Variants in BMPR1B observed in about 807,000 individuals in gnomAD.
The protein encoded by BMPR1B is bone morphogenetic protein receptor type-1B.
Under a neutral mutation model 59.1 loss-of-function variants are expected in BMPR1B, and 12 were observed. That is an observed-to-expected ratio of 0.20 (90% CI 0.13 to 0.33). The LOEUF (loss-of-function observed/expected upper bound fraction) is 0.33, where lower values mean the gene tolerates loss of function less well. BMPR1B is among the 10% of genes least tolerant of loss of function. The probability of loss-of-function intolerance (pLI) is 1.00; values close to 1 mark genes in which losing one functional copy is unlikely to be tolerated. For missense variants in BMPR1B, 550 were observed against 610.9 expected, an observed-to-expected ratio of 0.90 and a Z score of 1.05; for synonymous variants, 237 against 207.3, an observed-to-expected ratio of 1.14 and a Z score of -1.23.
At chr4:94,789,586 A>C (rs926392240) in intron 1 of BMPR1B, among the ~76,000 whole-genome samples, 1 of 152,216 alleles carries the variant, frequency 6.6e-6, no homozygotes, top group African/African-American at 2.4e-5. Flanking sequence ...CATCATTTCC[A>C]TAGTCTAAAA....
chr4:94,988,515 T>C (rs1339215628), intron 2 of BMPR1B, among the ~76,000 whole-genome samples: 3 of 152,198 alleles, frequency 2.0e-5, no homozygotes, highest in Non-Finnish European at 4.4e-5. Context: ...TGCCATTTGG[T>C]TTATGTGATG....
At chr4:94,882,069 G>T (rs1484090501) in intron 2 of BMPR1B, among the ~76,000 whole-genome samples, 2 of 152,044 alleles carry the variant, frequency 1.3e-5, no homozygotes, top group Admixed American at 6.6e-5. Flanking sequence ...GAATCTAATG[G>T]ACAGCCAGTT....
At chr4:94,902,036 C>T (rs568557997) in intron 2 of BMPR1B, among the ~76,000 whole-genome samples, 8 of 136,906 alleles carry the variant, frequency 5.8e-5, no homozygotes, top group Non-Finnish European at 1.2e-4. Context: ...GAGGGCTCTG[C>T]AGACTGCATG....
At chr4:94,849,794 G>T (rs1157833980) in intron 1 of BMPR1B, among the ~76,000 whole-genome samples, 1 of 23,288 alleles carries the variant, frequency 4.3e-5, no homozygotes, top group East Asian at 7.6e-4. Flanking sequence ...GGGTTTTTTG[G>T]TGTGTGTGTG....
intron 3 of BMPR1B, among the ~76,000 whole-genome samples, chr4:95,015,698 T>A (rs1214700923): frequency 1.6e-5 from 1 of 62,818 alleles, no homozygotes; most frequent in Non-Finnish European, 4.0e-5. Context: ...TGGAACATCA[T>A]TTTTTTTTTT....
At chr4:94,931,785 G>C (rs1729101160) in intron 2 of BMPR1B, among the ~76,000 whole-genome samples, 1 of 152,040 alleles carries the variant, frequency 6.6e-6, no homozygotes, top group Non-Finnish European at 1.5e-5. Flanking sequence ...AAAAATGCTG[G>C]GCAAGCAGAG....
chr4:95,080,521 C>A (rs549075093), intron 3 of BMPR1B, among the ~76,000 whole-genome samples: 7 of 152,272 alleles, frequency 4.6e-5, no homozygotes, highest in African/African-American at 1.7e-4. Context: ...CAGGCGTGAG[C>A]CACCACACCT....
chr4:94,827,386 C>A (rs1216638031), intron 1 of BMPR1B, among the ~76,000 whole-genome samples: 1 of 152,040 alleles, frequency 6.6e-6, no homozygotes, highest in Non-Finnish European at 1.5e-5. Context: ...ATATGTTTCT[C>A]AAATATATGT....
chr4:94,841,486 C>T (rs533009641), intron 1 of BMPR1B, among the ~76,000 whole-genome samples: 7 of 152,268 alleles, frequency 4.6e-5, no homozygotes, highest in African/African-American at 1.4e-4. Flanking sequence ...TTAAGCCGGT[C>T]GGAAAAGCGC....
chr4:94,773,048 CAG>C (rs1722243273), intron 1 of BMPR1B, among the ~76,000 whole-genome samples: 1 of 152,102 alleles, frequency 6.6e-6, no homozygotes. Context: ...TTTTTCATCA[CAG>C]TAATGGATGG....
At chr4:94,810,679 G>C (rs920727271) in intron 1 of BMPR1B, among the ~76,000 whole-genome samples, 2 of 152,194 alleles carry the variant, frequency 1.3e-5, no homozygotes, top group African/African-American at 4.8e-5. Context: ...TCATATTTAA[G>C]TCTTTTCTGC....
At chr4:94,805,161 A>G (rs552392727) in intron 1 of BMPR1B, among the ~76,000 whole-genome samples, 84 of 152,346 alleles carry the variant, frequency 5.5e-4, no homozygotes, top group African/African-American at 1.9e-3. Context: ...GCCAGTGTCT[A>G]TATATACCAT....
At chr4:95,046,150 C>A (rs769415226) in intron 3 of BMPR1B, among the ~76,000 whole-genome samples, 16 of 152,032 alleles carry the variant, frequency 1.1e-4, no homozygotes, top group South Asian at 4.2e-4. Context: ...ATCAAGCAGC[C>A]CTCTTGCCTC....
intron 3 of BMPR1B, among the ~76,000 whole-genome samples, chr4:95,029,419 A>G (rs531070100): frequency 2.8e-5 from 4 of 142,074 alleles, no homozygotes; most frequent in Non-Finnish European, 6.0e-5. Flanking sequence ...CCTACAAAGG[A>G]CATGAACACA....
At chr4:95,001,500 A>G (rs1199022485) in intron 3 of BMPR1B, among the ~76,000 whole-genome samples, 1 of 152,132 alleles carries the variant, frequency 6.6e-6, no homozygotes, top group Non-Finnish European at 1.5e-5. Context: ...TGCCACACAA[A>G]CATTCATTCA....
intron 3 of BMPR1B, among the ~76,000 whole-genome samples, chr4:95,024,372 C>A (rs1353440526): frequency 6.6e-6 from 1 of 152,122 alleles, no homozygotes; most frequent in Non-Finnish European, 1.5e-5. Context: ...TTAGGATTTT[C>A]CCCGCTTTCT....
At chr4:94,773,551 A>G (rs1254752383) in intron 1 of BMPR1B, among the ~76,000 whole-genome samples, 4 of 152,124 alleles carry the variant, frequency 2.6e-5, no homozygotes, top group Non-Finnish European at 4.4e-5. Context: ...GCCACAATAA[A>G]TACTGTATTC....
intron 2 of BMPR1B, among the ~76,000 whole-genome samples, chr4:94,935,770 T>A (rs2149038596): frequency 6.6e-6 from 1 of 152,294 alleles, no homozygotes; most frequent in East Asian, 1.9e-4. Context: ...TTCATATTCA[T>A]CTCAGTATAG....
intron 3 of BMPR1B, among the ~76,000 whole-genome samples, chr4:95,074,497 G>T (rs1728555697): frequency 6.6e-6 from 1 of 151,980 alleles, no homozygotes; most frequent in African/African-American, 2.4e-5. Context: ...CACTCCCGAT[G>T]GGTGGCATTT....
Sources: gnomAD v4.1 joint callset for allele counts (sites outside exome capture counted in the v4.1 genomes callset) on GRCh38, gnomAD v4.1.1 for gene constraint, MANE v1.5 for transcripts, NCBI Gene and HGNC (gene_info 2026-07-23, HGNC 2026-07-21) for gene names.